Variants in LDAH observed in about 807,000 individuals in gnomAD.
LDAH encodes the protein lipid droplet-associated hydrolase.
LDAH carries 26 observed loss-of-function variants against 29.6 expected under a neutral mutation model. The ratio of observed to expected loss-of-function variants is 0.88; its 90% CI spans 0.64 to 1.22. LDAH has a LOEUF of 1.22. Among genes scored for constraint, LDAH ranks in the 50% most tolerant of loss-of-function variants. The probability of loss-of-function intolerance (pLI) is 0.00; values close to 1 mark genes in which losing one functional copy is unlikely to be tolerated. For missense variants in LDAH, 344 were observed against 387.3 expected (o/e 0.89, Z 0.94); for synonymous variants, 117 against 133.0 (o/e 0.88, Z 0.83).
intron 5 of LDAH, among the ~76,000 whole-genome samples, chr2:20,725,100 T>G (rs1665919944): frequency 6.6e-6 from 1 of 152,208 alleles, no homozygotes; most frequent in South Asian, 2.1e-4. Context: ...TTAAAAGGTC[T>G]GACAGATTCT....
At chr2:20,791,417 C>G (rs1455314366) in intron 2 of LDAH, among the ~76,000 whole-genome samples, 2 of 152,176 alleles carry the variant, frequency 1.3e-5, no homozygotes, top group Non-Finnish European at 2.9e-5. Flanking sequence ...TGAAACACAG[C>G]AAGTATTATA....
rs114796412 is a variant in LDAH at position 20,744,688 on chromosome 2, C to A, written c.469-4483G>T. Reference sequence around the variant, plus strand: ...AATGGTTCATTTCACCTTCCCCCTGCCAGAAGCACATAGGGATTTTTCTGC... The same window carrying A: ...AATGGTTCATTTCACCTTCCCCCTGACAGAAGCACATAGGGATTTTTCTGC... On this transcript the variant is annotated intron_variant, in intron 4 of 6. Transcript: ENST00000237822. Among the ~76,000 whole-genome samples the A allele has an allele frequency of 8.2e-3, 1,253 of 152,238 alleles. 6 individuals carry two copies. Among genetic ancestry groups the A allele is most frequent in the Middle Eastern group, 0.02 (6 of 294 alleles).
At chr2:20,791,748 C>T (rs1223793289) in intron 2 of LDAH, among the ~76,000 whole-genome samples, 1 of 152,168 alleles carries the variant, frequency 6.6e-6, no homozygotes, top group African/African-American at 2.4e-5. Flanking sequence ...GCATTTAAGT[C>T]TTCAGTAAGT....
intron 4 of LDAH, among the ~76,000 whole-genome samples, chr2:20,753,198 A>T (rs1558444187): frequency 6.6e-6 from 1 of 152,248 alleles, no homozygotes; most frequent in Non-Finnish European, 1.5e-5. Context: ...TGAGACATGT[A>T]TAAATTAATA....
At chr2:20,715,466 G>A (rs951938663) in intron 5 of LDAH, among the ~76,000 whole-genome samples, 9 of 152,246 alleles carry the variant, frequency 5.9e-5, no homozygotes, top group African/African-American at 1.4e-4. Context: ...TTTGCAAACC[G>A]GCACAAGACA....
chr2:20,710,271 T>C (rs1256513129), intron 5 of LDAH, among the ~76,000 whole-genome samples: 1 of 152,104 alleles, frequency 6.6e-6, no homozygotes, highest in African/African-American at 2.4e-5. Flanking sequence ...AGATTCCAGA[T>C]ATCAAAAGGA....
At chr2:20,806,648 C>G in intron 1 of LDAH, among the ~76,000 whole-genome samples, 1 of 151,506 alleles carries the variant, frequency 6.6e-6, no homozygotes, top group South Asian at 2.1e-4. Flanking sequence ...TAAAAAAAAT[C>G]CATAACCACT....
At chr2:20,691,815 CA>C (rs1329290060) in intron 6 of LDAH, among the ~76,000 whole-genome samples, 1 of 152,112 alleles carries the variant, frequency 6.6e-6, no homozygotes, top group African/African-American at 2.4e-5. Flanking sequence ...TTTGATTCTC[CA>C]GAACCATGCT....
intron 2 of LDAH, among the ~76,000 whole-genome samples, chr2:20,796,185 C>T (rs1028683510): frequency 1.3e-5 from 2 of 152,130 alleles, no homozygotes; most frequent in Admixed American, 6.6e-5. Flanking sequence ...TCTGGCTCTC[C>T]CCTGTAATGG....
chr2:20,753,227 TTTC>T (rs1179777263), intron 4 of LDAH, among the ~76,000 whole-genome samples: 4 of 152,252 alleles, frequency 2.6e-5, no homozygotes, highest in African/African-American at 9.6e-5. Context: ...AATTTTATAT[TTTC>T]TTATCTTTTT....
intron 5 of LDAH, among the ~76,000 whole-genome samples, chr2:20,715,076 C>A (rs969454780): frequency 2.0e-5 from 3 of 151,970 alleles, no homozygotes; most frequent in African/African-American, 7.2e-5. Context: ...AGAGACACAA[C>A]AAAAAAAGAA....
In LDAH at chr2:20,774,809, C is replaced by G. The variant is rs193014590; in HGVS notation, c.468+1G>C. The stretch of plus-strand genomic sequence containing the variant: ...ACAGTTACCTCTGGAGACCTACTTA[C>G]CGGGAGCTCAGGGACTCGCTTCAGC... On this transcript the variant is annotated splice_donor_variant, in intron 4 of 6. Transcript: ENST00000237822. LOFTEE classifies it high-confidence loss of function. 6.2e-7 allele frequency: 1 copy of G among 1,612,574 alleles called. No homozygotes were observed. The highest frequency in any genetic ancestry group is 1.3e-5 in the African/African-American group (1 of 74,992).
intron 5 of LDAH, among the ~76,000 whole-genome samples, chr2:20,733,380 T>C (rs340625): frequency 0.36 from 53,628 of 148,636 alleles, 10,953 homozygotes; most frequent in Middle Eastern, 0.61. Flanking sequence ...CTACAGGCTA[T>C]ACCTCCATGC....
intron 4 of LDAH, 62 bp from the exon 5 acceptor site, chr2:20,740,267 G>A (rs1024855370): frequency 1.8e-6 from 2 of 1,089,666 alleles, no homozygotes; most frequent in South Asian, 2.7e-5. Flanking sequence ...ATTACTTATT[G>A]TCTCTTCTAT....
intron 5 of LDAH, among the ~76,000 whole-genome samples, chr2:20,710,606 G>GTGTATATATATATATATATA (rs1467950593): frequency 7.6e-6 from 1 of 131,874 alleles, no homozygotes; most frequent in African/African-American, 2.8e-5. Flanking sequence ...GTGTGTGTGT[G>GTGTATATATATATATATATA]TATATATATA....
At chr2:20,731,722 G>A (rs936682340) in intron 5 of LDAH, among the ~76,000 whole-genome samples, 5 of 151,808 alleles carry the variant, frequency 3.3e-5, no homozygotes, top group African/African-American at 1.2e-4. Flanking sequence ...TTAAATTTTG[G>A]TTTCTATTGC....
intron 4 of LDAH, among the ~76,000 whole-genome samples, chr2:20,749,422 C>T (rs1156449937): frequency 6.6e-6 from 1 of 152,116 alleles, no homozygotes; most frequent in African/African-American, 2.4e-5. Flanking sequence ...TACTTCAGTT[C>T]CATATACTAA....
At chr2:20,799,062 A>C (rs1671492384) in intron 2 of LDAH, among the ~76,000 whole-genome samples, 1 of 151,852 alleles carries the variant, frequency 6.6e-6, no homozygotes, top group Non-Finnish European at 1.5e-5. Flanking sequence ...CCCTGTCTCT[A>C]CTAAGACTAC....
chr2:20,741,439 G>GT (rs1667168429), intron 4 of LDAH, among the ~76,000 whole-genome samples: 1 of 152,100 alleles, frequency 6.6e-6, no homozygotes, highest in African/African-American at 2.4e-5. Context: ...GGTTTTTGTG[G>GT]TAAGTATAAG....
Sources: allele counts gnomAD v4.1 joint callset (sites outside exome capture counted in the v4.1 genomes callset), GRCh38; gene constraint gnomAD v4.1.1; transcripts MANE v1.5; gene names NCBI Gene and HGNC (gene_info 2026-07-23, HGNC 2026-07-21).